Variants in CENPI observed in about 807,000 individuals in gnomAD.
The protein encoded by CENPI is FSH primary response 1.
A neutral mutation model predicts 60.4 loss-of-function variants in CENPI; 4 were observed. That is an observed-to-expected ratio of 0.07 (90% CI 0.03 to 0.15). The LOEUF (loss-of-function observed/expected upper bound fraction) is 0.15, where lower values mean the gene tolerates loss of function less well. Ranked by LOEUF, CENPI falls within the 10% of genes least tolerant of loss-of-function variation. The pLI, the probability that CENPI is intolerant of heterozygous loss-of-function variation, is 1.00. For synonymous variants in CENPI, 157 were observed against 189.4 expected (o/e 0.83, Z 1.40); for missense variants, 444 against 534.5 (o/e 0.83, Z 1.67).
chrX:101,166,238 C>T (rs777748574), downstream of CENPI, among the ~76,000 whole-genome samples: 5 of 112,030 alleles, frequency 4.5e-5, no homozygotes, highest in East Asian at 2.8e-4. Flanking sequence ...TCACTGCAAC[C>T]TCTGCCTCCC....
intron 6 of CENPI, among the ~76,000 whole-genome samples, chrX:101,115,046 G>A (rs1030643119): frequency 7.2e-4 from 76 of 106,243 alleles, no homozygotes; most frequent in African/African-American, 2.4e-3. Flanking sequence ...TCACTGCAAC[G>A]TCCACCTCCC....
intron 15 of CENPI, among the ~76,000 whole-genome samples, chrX:101,139,242 G>A (rs934502794): frequency 1.9e-5 from 2 of 104,096 alleles, no homozygotes; most frequent in Non-Finnish European, 3.9e-5. Context: ...TTACAGGCAC[G>A]TGCCACCACG....
chrX:101,179,494 G>A, the CENPI span, among the ~76,000 whole-genome samples: 1 of 110,581 alleles, frequency 9.0e-6, no homozygotes, highest in Admixed American at 9.6e-5. Context: ...TTATACAAAT[G>A]TTTATTTGAA....
chrX:101,139,185 C>T (rs751073502), intron 15 of CENPI, among the ~76,000 whole-genome samples: 4 of 101,320 alleles, frequency 3.9e-5, no homozygotes, highest in Admixed American at 1.1e-4. Flanking sequence ...CTCCGCCTTC[C>T]GGGCTCAAGC....
In CENPI at chrX:101,118,893, G is replaced by T. The variant is rs143555866; in HGVS notation, c.592-1509G>T. On this transcript the variant is annotated intron_variant, in intron 6 of 21. Transcript: ENST00000682095. ...ACATGTATTCTTTCTTTTAAAAAAA[G>T]ATTCCGGCCAGGTGTGGTGGCGCAC... is the stretch of plus-strand genomic sequence containing the variant. 2.8e-3 allele frequency among the ~76,000 whole-genome samples: 308 copies of T among 111,752 alleles called. 1 individual carries two copies. Among genetic ancestry groups the T allele is most frequent in the African/African-American group, 9.5e-3 (293 of 30,866 alleles).
intron 20 of CENPI, among the ~76,000 whole-genome samples, chrX:101,156,402 T>A (rs931828014): frequency 8.9e-6 from 1 of 112,270 alleles, no homozygotes; most frequent in Non-Finnish European, 1.9e-5. Context: ...ATTATTCCCA[T>A]CTGGAAGGTG....
Position 101,165,242 on chromosome X carries a change from A to G in CENPI, c.*2275A>G, listed in dbSNP as rs1247289477. ...ATTTACCTTTATGAAATATGGAGCT[A>G]CAATGTCAAGGTTAGACTGAAGAAG... On this transcript the variant is annotated 3_prime_UTR_variant, in exon 22 of 22. Coordinates refer to ENST00000682095, the MANE Select transcript of CENPI (RefSeq NM_001386188.2). Among the ~76,000 whole-genome samples the G allele has an allele frequency of 8.9e-6, 1 of 112,036 alleles. No individual in the cohort carries two copies. The highest frequency in any genetic ancestry group is 1.9e-5 in the Non-Finnish European group (1 of 53,234).
intron 6 of CENPI, among the ~76,000 whole-genome samples, 176 bp from the exon 7 acceptor site, chrX:101,120,226 A>G (rs1275733698): frequency 8.9e-6 from 1 of 111,762 alleles, no homozygotes; most frequent in Admixed American, 9.6e-5. Flanking sequence ...GATTAAAACT[A>G]TTGTTTTTTT....
intron 4 of CENPI, among the ~76,000 whole-genome samples, chrX:101,107,071 A>G (rs1220950761): frequency 9.3e-6 from 1 of 107,470 alleles, no homozygotes; most frequent in Non-Finnish European, 1.9e-5. Context: ...AAAAAAAAAA[A>G]AAAAAAAAAA....
chrX:101,168,291 C>A (rs1186462713), downstream of CENPI, among the ~76,000 whole-genome samples: 2 of 112,376 alleles, frequency 1.8e-5, no homozygotes, highest in African/African-American at 3.2e-5. Context: ...TGGGGCCAGG[C>A]ATGGTGGCTC....
At position 101,127,972 on chromosome X, in the gene CENPI, C is replaced by T. The variant is rs184046562; in HGVS notation, c.1074+307C>T. Among the ~76,000 whole-genome samples, 611 of 110,881 alleles carry T rather than the reference C, an allele frequency of 5.5e-3. 6 individuals carry two copies. The highest frequency in any genetic ancestry group is 0.016 in the African/African-American group (495 of 30,553). On this transcript the variant is annotated intron_variant, in intron 11 of 21. Coordinates refer to ENST00000682095, the MANE Select transcript of CENPI (RefSeq NM_001386188.2). The stretch of plus-strand genomic sequence containing the variant: ...CAGCACTTTGGGAGGCCGAGGTGGG[C>T]GGATCACTTGAGGTCAGGAGTTCAA...
intron 12 of CENPI, among the ~76,000 whole-genome samples, chrX:101,129,436 C>A (rs1347833850): frequency 3.6e-5 from 4 of 110,765 alleles, no homozygotes; most frequent in Non-Finnish European, 7.6e-5. Context: ...GATAATATTT[C>A]TTTTGACCAA....
chrX:101,177,863 G>T, the CENPI span, among the ~76,000 whole-genome samples: 1 of 112,201 alleles, frequency 8.9e-6, no homozygotes, highest in South Asian at 3.7e-4. Context: ...TGTCAATGGG[G>T]CTCCAAAGAT....
In CENPI at chrX:101,101,148, G is replaced by A. The variant is rs1352645828; in HGVS notation, c.78G>A (p.Thr26=). The change falls in exon 3 of 22, where the codon ACG becomes ACA. Residue 26 remains threonine, a synonymous_variant. Transcript: ENST00000682095. ...AAGGTAGTAGTAGTTTTCAGACCAC[G>A]CTTTCAGCCTGGAAAGTAAAACAGG... The part of the protein sequence containing the change: ...TSQGSSSFQT[T]LSAWKVKQDP... 9.1e-6 allele frequency: 11 copies of A among 1,210,998 alleles called. No individual in the cohort carries two copies. Among genetic ancestry groups the A allele is most frequent in the Admixed American group, 6.5e-5 (3 of 45,960 alleles).
At chrX:101,113,397 G>A (rs1480151958) in intron 6 of CENPI, among the ~76,000 whole-genome samples, 1 of 101,988 alleles carries the variant, frequency 9.8e-6, no homozygotes, top group Non-Finnish European at 2.0e-5. Flanking sequence ...GTGTGATCTT[G>A]GCTTACCGCA....
the CENPI span, among the ~76,000 whole-genome samples, chrX:101,175,677 T>C: frequency 9.3e-3 from 1,043 of 111,725 alleles, 8 homozygotes; most frequent in South Asian, 0.015. Context: ...TGATGCATAA[T>C]ATTTGTACAT....
intron 16 of CENPI, among the ~76,000 whole-genome samples, chrX:101,144,410 A>G (rs2089945297): frequency 2.0e-5 from 2 of 98,608 alleles, no homozygotes; most frequent in African/African-American, 7.6e-5. Flanking sequence ...TTTTTGAAAC[A>G]GTCTTGCTCT....
chrX:101,109,155 A>C (rs1221392061), intron 4 of CENPI, among the ~76,000 whole-genome samples: 2 of 90,791 alleles, frequency 2.2e-5, no homozygotes, highest in Non-Finnish European at 4.1e-5. Context: ...ATCTTGGCTC[A>C]CCGCAACCTC....
chrX:101,102,492 T>TACACACACACACACACACAC (rs199742109), intron 4 of CENPI, 81 bp downstream of exon 4: 3,763 of 300,259 alleles, frequency 0.013, 75 homozygotes, highest in Non-Finnish European at 0.015. Flanking sequence ...ATCTTATATA[T>TACACACACACACACACACAC]ATATACACAC....
Sources: gnomAD v4.1 joint callset for allele counts (sites outside exome capture counted in the v4.1 genomes callset) on GRCh38, gnomAD v4.1.1 for gene constraint, MANE v1.5 for transcripts, NCBI Gene and HGNC (gene_info 2026-07-23, HGNC 2026-07-21) for gene names.